The following ABLIM2 variants were observed in gnomAD, a reference collection of about 807,000 sequenced individuals.
ABLIM2 encodes actin binding LIM protein family member 2, also known as actin-binding LIM protein 2.
ABLIM2 carries 53 observed loss-of-function variants against 97.7 expected under a neutral mutation model. The observed-to-expected ratio is 0.54, with a 90% CI of 0.44 to 0.68. The LOEUF (loss-of-function observed/expected upper bound fraction) is 0.68, where lower values mean the gene tolerates loss of function less well. ABLIM2 is among the 30% of genes least tolerant of loss of function. The probability of loss-of-function intolerance (pLI) is 0.00; values close to 1 mark genes in which losing one functional copy is unlikely to be tolerated. For synonymous variants in ABLIM2, 361 were observed against 345.8 expected, an observed-to-expected ratio of 1.04 and a Z score of -0.49; for missense variants, 835 against 867.2, an observed-to-expected ratio of 0.96 and a Z score of 0.47.
intron 3 of ABLIM2, among the ~76,000 whole-genome samples, chr4:8,091,165 G>T (rs976543969): frequency 6.8e-6 from 1 of 147,554 alleles, no homozygotes; most frequent in African/African-American, 2.5e-5. Context: ...AGTTTTAGTC[G>T]TTCTCATGGA....
rs887605971 is a variant in ABLIM2 at position 8,147,882 on chromosome 4, C to G, written c.10+10798G>C. Among the ~76,000 whole-genome samples the G allele has an allele frequency of 6.6e-6, 1 of 152,244 alleles. No individual in the cohort carries two copies. The highest frequency in any genetic ancestry group is 1.5e-5 in the Non-Finnish European group (1 of 68,042). On this transcript the variant is annotated intron_variant, in intron 1 of 20. Transcript: ENST00000447017. The surrounding 1 kb of genome is among the most constrained non-coding windows in gnomAD (Gnocchi z 5.3). ...CCTTTGCCCAGCACTCTGGTTGTGC[C>G]ATCTTCCCTGAGCGAGGCACGGACC... is the stretch of plus-strand genomic sequence containing the variant.
chr4:7,976,550 G>T (rs1037953467), intron 20 of ABLIM2, among the ~76,000 whole-genome samples: 3 of 152,166 alleles, frequency 2.0e-5, no homozygotes, highest in Admixed American at 2.0e-4. Context: ...AGACACCTCA[G>T]CTTTCGTATA....
chr4:8,037,117 G>C (rs1784955415), intron 9 of ABLIM2, among the ~76,000 whole-genome samples: 1 of 152,098 alleles, frequency 6.6e-6, no homozygotes, highest in Admixed American at 6.6e-5. Flanking sequence ...AAATAAAATA[G>C]TGTATTATTT....
At chr4:8,049,798 G>C (rs965572877) in intron 8 of ABLIM2, among the ~76,000 whole-genome samples, 4 of 152,148 alleles carry the variant, frequency 2.6e-5, no homozygotes, top group Non-Finnish European at 5.9e-5. Context: ...CCATGATCTT[G>C]ACTCACTGCA....
Position 8,063,999 on chromosome 4 carries a change from G to A in ABLIM2, c.676-2945C>T, listed in dbSNP as rs1036853592. On this transcript the variant is annotated intron_variant, in intron 6 of 20. Transcript: ENST00000447017. ...TCCCTTACATGCCTACCTTATCTAA[G>A]AAAGTTTAAATGTTTAGCCCATTGG... Among the ~76,000 whole-genome samples, 12 of 152,246 alleles carry A rather than the reference G, an allele frequency of 7.9e-5. No individual in the cohort carries two copies. The South Asian group carries it at 2.3e-3, about 29-fold the overall frequency.
chr4:7,978,729 G>T (rs1194715929), intron 20 of ABLIM2, among the ~76,000 whole-genome samples: 1 of 152,146 alleles, frequency 6.6e-6, no homozygotes, highest in Non-Finnish European at 1.5e-5. Flanking sequence ...ATTTTACAAA[G>T]GTCAGTAGTA....
Position 8,152,377 on chromosome 4 carries a change from G to A in ABLIM2, c.10+6303C>T, listed in dbSNP as rs541212745. Reference sequence around the variant, plus strand: ...GGGACTCGCAGGCATTTCTTCCTCCGTAGGTAGAGATGCCACCGGCCGCTC... The same window carrying A: ...GGGACTCGCAGGCATTTCTTCCTCCATAGGTAGAGATGCCACCGGCCGCTC... On this transcript the variant is annotated intron_variant, in intron 1 of 20. Transcript: ENST00000447017. 5.3e-5 allele frequency among the ~76,000 whole-genome samples: 8 copies of A among 151,538 alleles called. No individual in the cohort carries two copies. In the East Asian group the frequency reaches 1.2e-3, roughly 22 times the overall value.
chr4:7,972,828 A>T (rs1347607296), intron 20 of ABLIM2, among the ~76,000 whole-genome samples: 1 of 152,114 alleles, frequency 6.6e-6, no homozygotes, highest in Admixed American at 6.5e-5. Context: ...TCTCTCAGAC[A>T]CACCCATGTG....
chr4:7,966,980 C>T lies in ABLIM2; in HGVS notation c.*10G>A, dbSNP rs1364872710. 6.2e-7 allele frequency: 1 copy of T among 1,608,494 alleles called. No homozygotes were observed. The highest frequency in any genetic ancestry group is 1.7e-5 in the Admixed American group (1 of 59,914). The stretch of plus-strand genomic sequence containing the variant: ...GCCCGGCACACACCAGTGGGGCAGG[C>T]TGGCAGCCGTCAGAACAAAAGGGCT... On this transcript the variant is annotated 3_prime_UTR_variant, in exon 21 of 21. Coordinates refer to ENST00000447017, the MANE Select transcript of ABLIM2 (RefSeq NM_001130083.2).
intron 3 of ABLIM2, among the ~76,000 whole-genome samples, chr4:8,093,385 C>T (rs1829888755): frequency 6.6e-6 from 1 of 152,178 alleles, no homozygotes; most frequent in South Asian, 2.1e-4. Context: ...TATTTTGGTG[C>T]AGATTGGCTG....
intron 8 of ABLIM2, among the ~76,000 whole-genome samples, chr4:8,047,946 A>G (rs1793617649): frequency 6.6e-6 from 1 of 152,242 alleles, no homozygotes; most frequent in African/African-American, 2.4e-5. Context: ...AGCCGAGCAC[A>G]CCAACAGCAG....
chr4:7,995,815 G>A (rs1025737694), intron 16 of ABLIM2, among the ~76,000 whole-genome samples: 7 of 152,194 alleles, frequency 4.6e-5, no homozygotes, highest in Non-Finnish European at 1.0e-4. Context: ...CGGGGGTCGG[G>A]GGCCAGACCT....
chr4:7,970,360 AG>A lies in ABLIM2; in HGVS notation c.1825-3258del, dbSNP rs1238235661. On this transcript the variant is annotated intron_variant, in intron 20 of 20. Coordinates refer to ENST00000447017, the MANE Select transcript of ABLIM2 (RefSeq NM_001130083.2). The surrounding 1 kb of genome is among the most constrained non-coding windows in gnomAD (Gnocchi z 5.3). ...GCTGGTGGGCAGAGGGAAGGTGTCA[AG>A]GGGGTGGTGTGCCCCCTGCCATCTG... is the stretch of plus-strand genomic sequence containing the variant. Among the ~76,000 whole-genome samples, 1 of 152,004 alleles carries A rather than the reference AG, an allele frequency of 6.6e-6. No individual in the cohort carries two copies. The highest frequency in any genetic ancestry group is 1.9e-4 in the East Asian group (1 of 5,136).
At chr4:7,972,614 C>A (rs1560322977) in intron 20 of ABLIM2, among the ~76,000 whole-genome samples, 1 of 152,244 alleles carries the variant, frequency 6.6e-6, no homozygotes, top group Non-Finnish European at 1.5e-5. Flanking sequence ...TGCCTCCCAA[C>A]ACCTCCAGCT....
chr4:8,025,668 G>A (rs1161051931), intron 12 of ABLIM2, among the ~76,000 whole-genome samples: 3 of 152,156 alleles, frequency 2.0e-5, no homozygotes, highest in Non-Finnish European at 4.4e-5. Context: ...GGCTGGCTCT[G>A]GCTCTAGGAC....
chr4:7,989,095 T>TTTTTTTTTTA (rs1746679114), intron 17 of ABLIM2, among the ~76,000 whole-genome samples: 1 of 145,868 alleles, frequency 6.9e-6, no homozygotes, highest in East Asian at 2.0e-4. Context: ...TTTTTTTTTT[T>TTTTTTTTTTA]GAGACAGAGT....
chr4:8,036,441 C>T, intron 9 of ABLIM2, 146 bp from the exon 10 acceptor site: 1 of 992,960 alleles, frequency 1.0e-6, no homozygotes, highest in Non-Finnish European at 1.4e-6. Flanking sequence ...CCAGATGCAT[C>T]CCACAGGACA....
rs779216965 is a variant in ABLIM2, at chr4:8,088,151, C to A, written c.454+18G>T. The A allele has an allele frequency of 6.5e-7, 1 of 1,542,138 alleles. No homozygotes were observed. Among genetic ancestry groups the A allele is most frequent in the East Asian group, 2.5e-5 (1 of 39,556 alleles). ...AGCATGCCCCCACTCAACATGCCCC[C>A]ACTCAGCGCCCACTTACTTCGGAGG... On this transcript the variant is annotated intron_variant, in intron 4 of 20. Transcript: ENST00000447017.
rs537730598 is a variant in ABLIM2 at position 8,089,121 on chromosome 4, G to A, written c.339-837C>T. Among the ~76,000 whole-genome samples, 7 of 152,304 alleles carry A rather than the reference G, an allele frequency of 4.6e-5. No homozygotes were observed. In the South Asian group the frequency reaches 1.2e-3, roughly 27 times the overall value. ...CTGAGTTTTTTGGCACCACCTTAAA[G>A]TCCGCCTCCGCAGCAAGTGCCTGGA... is the stretch of plus-strand genomic sequence containing the variant. On this transcript the variant is annotated intron_variant, in intron 3 of 20. Coordinates refer to ENST00000447017, the MANE Select transcript of ABLIM2 (RefSeq NM_001130083.2).
Sources: gnomAD v4.1 joint callset for allele counts (sites outside exome capture counted in the v4.1 genomes callset) on GRCh38, gnomAD v4.1.1 for gene constraint, Gnocchi (gnomAD v3.1) non-coding constraint, MANE v1.5 for transcripts, NCBI Gene and HGNC (gene_info 2026-07-23, HGNC 2026-07-21) for gene names.